Variants in SPINT1 observed in about 807,000 individuals in gnomAD.
SPINT1 encodes the protein kunitz-type protease inhibitor 1.
A neutral mutation model predicts 53.7 loss-of-function variants in SPINT1; 38 were observed. The observed-to-expected ratio is 0.71, with a 90% CI of 0.55 to 0.93. The LOEUF (loss-of-function observed/expected upper bound fraction) is 0.93, where lower values mean the gene tolerates loss of function less well. SPINT1 is among the 40% of genes least tolerant of loss of function. SPINT1 has a pLI of 0.00. For missense variants in SPINT1, 645 were observed against 692.9 expected (o/e 0.93, Z 0.78); for synonymous variants, 283 against 280.6 (o/e 1.01, Z -0.08).
chr15:40,853,047 C>T, intron 2 of SPINT1, 77 bp from the exon 3 acceptor site: 6 of 1,548,690 alleles, frequency 3.9e-6, no homozygotes, highest in Non-Finnish European at 5.2e-6. Flanking sequence ...CATACTTTCA[C>T]CACCCCACTT....
At chr15:40,851,724 G>T (rs887382471) in intron 2 of SPINT1, among the ~76,000 whole-genome samples, 2 of 152,090 alleles carry the variant, frequency 1.3e-5, no homozygotes, top group Non-Finnish European at 1.5e-5. Context: ...GAACTGGTTG[G>T]CTTAAAACAA....
chr15:40,855,589 T>TA (rs1159450407), intron 8 of SPINT1, among the ~76,000 whole-genome samples: 1 of 151,804 alleles, frequency 6.6e-6, no homozygotes, highest in African/African-American at 2.4e-5. Flanking sequence ...ACACTGTCTT[T>TA]AAAAAAAAGA....
Position 40,854,602 on chromosome 15 carries a change from T to C in SPINT1, c.1067-37T>C, listed in dbSNP as rs191058611. 10 of 1,614,164 alleles carry C rather than the reference T, an allele frequency of 6.2e-6. No homozygotes were observed. In the Admixed American group the frequency reaches 8.3e-5, roughly 13 times the overall value. On this transcript the variant is annotated intron_variant, in intron 7 of 10. Transcript: ENST00000562057. The stretch of plus-strand genomic sequence containing the variant: ...CTTGCCCTGAACCCCTGGGAGACCC[T>C]TGTTGGGTCTGAGACTCTGACCTTT...
At chr15:40,846,938 T>G (rs1330905184) in intron 2 of SPINT1, among the ~76,000 whole-genome samples, 1 of 152,000 alleles carries the variant, frequency 6.6e-6, no homozygotes, top group African/African-American at 2.4e-5. Context: ...AAAGTGTAGG[T>G]GGTGATGACT....
intron 2 of SPINT1, among the ~76,000 whole-genome samples, chr15:40,849,251 A>T (rs556221443): frequency 6.6e-6 from 1 of 151,384 alleles, no homozygotes; most frequent in East Asian, 2.0e-4. Context: ...GTCTCAGGAA[A>T]AAAAAAAAAG....
At chr15:40,852,687 T>C (rs1891496137) in intron 2 of SPINT1, among the ~76,000 whole-genome samples, 2 of 151,316 alleles carry the variant, frequency 1.3e-5, no homozygotes, top group African/African-American at 4.9e-5. Flanking sequence ...CAGATGGCAG[T>C]TTGTTCAGTA....
intron 2 of SPINT1, among the ~76,000 whole-genome samples, chr15:40,851,596 C>G (rs1427530895): frequency 6.6e-6 from 1 of 152,240 alleles, no homozygotes; most frequent in African/African-American, 2.4e-5. Flanking sequence ...CTCTGAATGT[C>G]CACTGCCTTG....
chr15:40,844,091 T>C lies in SPINT1; in HGVS notation c.-161T>C. ...GGGGAGAAGGCGGCCGAGCCCCAGC[T>C]CTCCGAGCACCGGGTCGGAAGCCGC... On this transcript the variant is annotated 5_prime_UTR_variant, in exon 1 of 11. Transcript: ENST00000562057. This position sits in a 1 kb window ranked among gnomAD's most constrained non-coding sequence, Gnocchi z 5.8. The C allele has an allele frequency of 9.3e-6, 4 of 431,748 alleles. No individual in the cohort carries two copies. Among genetic ancestry groups the C allele is most frequent in the South Asian group, 6.4e-5 (4 of 62,424 alleles). The allele number at this position is 431,748 out of a possible 1,614,324, so 26.7% of individuals were successfully genotyped here.
intron 2 of SPINT1, among the ~76,000 whole-genome samples, chr15:40,851,198 G>T: frequency 6.6e-6 from 1 of 150,952 alleles, no homozygotes; most frequent in Non-Finnish European, 1.5e-5. Flanking sequence ...TCTGTTGCCA[G>T]GCTGGAGTGC....
At chr15:40,853,016 C>A in intron 2 of SPINT1, 108 bp from the exon 3 acceptor site, 1 of 1,430,274 alleles carries the variant, frequency 7.0e-7, no homozygotes. Context: ...TGTGGAGTCC[C>A]AGTTTGGTCT....
intron 2 of SPINT1, among the ~76,000 whole-genome samples, chr15:40,845,237 C>T (rs926510697): frequency 6.6e-6 from 1 of 151,214 alleles, no homozygotes; most frequent in Non-Finnish European, 1.5e-5. Context: ...CTGCAACCTC[C>T]GTCTTCCACG....
intron 2 of SPINT1, among the ~76,000 whole-genome samples, chr15:40,847,739 T>G (rs983397058): frequency 6.6e-6 from 1 of 152,064 alleles, no homozygotes; most frequent in African/African-American, 2.4e-5. Flanking sequence ...GGGCTGGGGC[T>G]TGGAGAGGAC....
At position 40,844,178 on chromosome 15, in the gene SPINT1, C is replaced by A; in HGVS notation, c.-74C>A. On this transcript the variant is annotated 5_prime_UTR_variant, in exon 1 of 11. Coordinates refer to ENST00000562057, the MANE Select transcript of SPINT1 (RefSeq NM_003710.4). This position sits in a 1 kb window ranked among gnomAD's most constrained non-coding sequence, Gnocchi z 5.8. ...GGCGGACCCGGCCCCACCCAACTCACCTGCGCAGGTAACCCGGGCCCCCGC... is the reference window on the plus strand; with the variant it reads ...GGCGGACCCGGCCCCACCCAACTCAACTGCGCAGGTAACCCGGGCCCCCGC... 1 of 415,852 alleles carries A rather than the reference C, an allele frequency of 2.4e-6. No individual in the cohort carries two copies. 25.8% of individuals were successfully genotyped at this position (415,852 alleles called of 1,614,324 possible).
At chr15:40,846,525 C>G (rs1286326773) in intron 2 of SPINT1, among the ~76,000 whole-genome samples, 2 of 152,212 alleles carry the variant, frequency 1.3e-5, no homozygotes, top group African/African-American at 2.4e-5. Flanking sequence ...GCCTGAGATT[C>G]ACCCCAGGGG....
rs941027147 is a variant in SPINT1 at position 40,850,872 on chromosome 15, C to A, written c.476-2252C>A. On this transcript the variant is annotated intron_variant, in intron 2 of 10. Coordinates refer to ENST00000562057, the MANE Select transcript of SPINT1 (RefSeq NM_003710.4). ...AGAGCTCAGGAGTGCTCCTGCTGCC[C>A]AAGCCCTGGGCCCCTCCCTTTGAAC... Among the ~76,000 whole-genome samples the A allele has an allele frequency of 2.6e-5, 4 of 152,210 alleles. No homozygotes were observed. The East Asian group carries it at 5.8e-4, about 22-fold the overall frequency.
At chr15:40,849,338 A>T (rs1403405590) in intron 2 of SPINT1, among the ~76,000 whole-genome samples, 10 of 151,586 alleles carry the variant, frequency 6.6e-5, no homozygotes, top group Admixed American at 5.9e-4. Flanking sequence ...CCTCAACCTC[A>T]CAGGCTCAAG....
chr15:40,855,708 T>C (rs1354014743), intron 8 of SPINT1, 184 bp from the exon 9 acceptor site: 2 of 553,726 alleles, frequency 3.6e-6, no homozygotes, highest in Non-Finnish European at 6.2e-6. Flanking sequence ...CCTACAGTTA[T>C]TGTCCAGGGT....
Position 40,854,403 on chromosome 15 carries a change from C to T in SPINT1, c.947C>T (p.Ser316Phe). ...PSMERRHPVC[S>F]GTCQPTQFRC... ...CTCCCTTCCACCCGTCCAGTGTGCT[C>T]TGGCACCTGTCAGCCCACCCAGTTC... Residue 316 changes from serine to phenylalanine, a missense_variant, in exon 7 of 11, where the codon TCT becomes TTT. Transcript: ENST00000562057. 6.3e-7 allele frequency: 1 copy of T among 1,595,056 alleles called. No homozygotes were observed. The highest frequency in any genetic ancestry group is 8.5e-7 in the Non-Finnish European group (1 of 1,170,988).
chr15:40,851,429 G>A (rs995677050), intron 2 of SPINT1, among the ~76,000 whole-genome samples: 2 of 152,216 alleles, frequency 1.3e-5, no homozygotes, highest in African/African-American at 4.8e-5. Context: ...GGGATTATAG[G>A]CGTGAGCCAC....
Sources: allele counts gnomAD v4.1 joint callset (sites outside exome capture counted in the v4.1 genomes callset), GRCh38; gene constraint gnomAD v4.1.1; non-coding constraint Gnocchi (gnomAD v3.1); transcripts MANE v1.5; gene names NCBI Gene and HGNC (gene_info 2026-07-23, HGNC 2026-07-21).